The following NOX4 variants were observed in gnomAD, a reference collection of about 807,000 sequenced individuals.
The protein encoded by NOX4 is kidney oxidase-1.
A neutral mutation model predicts 87.6 loss-of-function variants in NOX4; 69 were observed. That is an observed-to-expected ratio of 0.79 (90% CI 0.65 to 0.96). The LOEUF is 0.96. Among genes scored for constraint, NOX4 ranks in the 40% least tolerant of loss-of-function variants. The pLI, the probability that NOX4 is intolerant of heterozygous loss-of-function variation, is 0.00. For missense variants in NOX4, 680 were observed against 681.5 expected (o/e 1.00, Z 0.02); for synonymous variants, 275 against 238.2 (o/e 1.15, Z -1.42).
the NOX4 span, among the ~76,000 whole-genome samples, chr11:89,513,202 C>A: frequency 6.6e-6 from 1 of 151,890 alleles, no homozygotes; most frequent in South Asian, 2.1e-4. Flanking sequence ...TGCCTGTAAT[C>A]CCAGCTACTC....
chr11:89,372,325 T>C (rs1412391631), intron 12 of NOX4, among the ~76,000 whole-genome samples: 1 of 151,984 alleles, frequency 6.6e-6, no homozygotes, highest in Non-Finnish European at 1.5e-5. Flanking sequence ...TTGGTTACTC[T>C]AATATTTTGC....
At chr11:89,334,885 A>G (rs1256367672) in intron 17 of NOX4, among the ~76,000 whole-genome samples, 1 of 151,686 alleles carries the variant, frequency 6.6e-6, no homozygotes, top group Non-Finnish European at 1.5e-5. Flanking sequence ...GAATTTTAAT[A>G]AAATTATATG....
chr11:89,331,340 G>A (rs1222165671), intron 17 of NOX4, among the ~76,000 whole-genome samples: 3 of 151,716 alleles, frequency 2.0e-5, no homozygotes, highest in Non-Finnish European at 2.9e-5. Flanking sequence ...GTGTTTAGAG[G>A]AAAATGTATA....
At chr11:89,529,748 G>A in the NOX4 span, among the ~76,000 whole-genome samples, 1 of 152,166 alleles carries the variant, frequency 6.6e-6, no homozygotes, top group South Asian at 2.1e-4. Flanking sequence ...ACAGTTTAAT[G>A]CTTTCATTCT....
At chr11:89,369,940 T>A (rs1301285018) in intron 12 of NOX4, among the ~76,000 whole-genome samples, 1 of 150,884 alleles carries the variant, frequency 6.6e-6, no homozygotes, top group African/African-American at 2.4e-5. Context: ...AAAAAAAAAA[T>A]ACTTTAAACA....
intron 7 of NOX4, among the ~76,000 whole-genome samples, chr11:89,432,360 T>C: frequency 6.6e-6 from 1 of 151,572 alleles, no homozygotes; most frequent in Non-Finnish European, 1.5e-5. Flanking sequence ...AATAAAAAAA[T>C]AAATAAAATA....
intron 4 of NOX4, among the ~76,000 whole-genome samples, chr11:89,447,576 AAAG>A (rs1280634478): frequency 2.0e-5 from 3 of 152,186 alleles, no homozygotes. Context: ...AACTGAAGTT[AAAG>A]AAGGGTAATG....
intron 11 of NOX4, among the ~76,000 whole-genome samples, chr11:89,382,320 C>G (rs1473280330): frequency 1.3e-5 from 2 of 152,092 alleles, no homozygotes; most frequent in African/African-American, 4.8e-5. Flanking sequence ...ACCTAAATGC[C>G]TTATTTTCTT....
the NOX4 span, among the ~76,000 whole-genome samples, chr11:89,567,136 GA>G: frequency 6.6e-6 from 1 of 152,144 alleles, no homozygotes; most frequent in Admixed American, 6.5e-5. Flanking sequence ...AGTCTGATCT[GA>G]ACACACCCCT....
intron 17 of NOX4, among the ~76,000 whole-genome samples, chr11:89,329,276 C>T (rs3897708): frequency 0.27 from 35,098 of 131,956 alleles, 5,544 homozygotes; most frequent in African/African-American, 0.46. Context: ...AATAAAAGAA[C>T]AGGCATTGCT....
intron 5 of NOX4, chr11:89,443,315 A>C (rs1944537470): frequency 6.6e-6 from 1 of 151,874 alleles, no homozygotes; most frequent in South Asian, 2.1e-4. Context: ...AACTCTGGTG[A>C]TATGTGGAGG....
rs759669403 is a variant in NOX4, at chr11:89,444,131, C to T, written c.447+4G>A. The T allele has an allele frequency of 6.2e-7, 1 of 1,611,978 alleles. No individual in the cohort carries two copies. Among genetic ancestry groups the T allele is most frequent in the East Asian group, 2.2e-5 (1 of 44,822 alleles). On this transcript the variant is annotated splice_donor_region_variant and intron_variant, in intron 5 of 17. Transcript: ENST00000263317. The stretch of plus-strand genomic sequence containing the variant: ...AGAAAAATGGGAAGACAGAGACCAC[C>T]CACCTCATCTCGGTATCTTGCTGCA...
intron 12 of NOX4, 58 bp downstream of exon 12, chr11:89,373,374 A>G (rs1939600798): frequency 3.0e-6 from 3 of 1,005,422 alleles, no homozygotes; most frequent in South Asian, 2.7e-5. Flanking sequence ...AACACATTCA[A>G]ATTATTACAT....
At chr11:89,398,324 A>G (rs12576421) in intron 11 of NOX4, among the ~76,000 whole-genome samples, 5,695 of 152,104 alleles carry the variant, frequency 0.037, 203 homozygotes, top group East Asian at 0.13. Flanking sequence ...TCTCAAAATA[A>G]TAAGAGCTAT....
At chr11:89,498,475 C>T (rs574097108), upstream of NOX4, among the ~76,000 whole-genome samples, 66 of 152,150 alleles carry the variant, frequency 4.3e-4, no homozygotes, top group African/African-American at 1.5e-3. Flanking sequence ...ACTTGTTCAC[C>T]GAAGTATGTT....
At chr11:89,480,735 T>C (rs192816126) in intron 2 of NOX4, among the ~76,000 whole-genome samples, 2 of 152,190 alleles carry the variant, frequency 1.3e-5, no homozygotes, top group African/African-American at 4.8e-5. Flanking sequence ...CTTGGCACAA[T>C]GTCAGGCCCA....
At chr11:89,529,813 A>T in the NOX4 span, among the ~76,000 whole-genome samples, 1 of 152,190 alleles carries the variant, frequency 6.6e-6, no homozygotes, top group Non-Finnish European at 1.5e-5. Flanking sequence ...CAGGAAAATA[A>T]ATCAGAGCTG....
chr11:89,420,319 T>C (rs1434820624), intron 8 of NOX4, among the ~76,000 whole-genome samples: 9 of 152,210 alleles, frequency 5.9e-5, no homozygotes, highest in Non-Finnish European at 1.3e-4. Context: ...GTAACTATTT[T>C]AGATTACTGT....
chr11:89,573,584 G>T, the NOX4 span, among the ~76,000 whole-genome samples: 2 of 152,154 alleles, frequency 1.3e-5, no homozygotes, highest in African/African-American at 2.4e-5. Context: ...TACCAGCTGC[G>T]AATCTGTACG....
Sources: allele counts gnomAD v4.1 joint callset (sites outside exome capture counted in the v4.1 genomes callset), GRCh38; gene constraint gnomAD v4.1.1; transcripts MANE v1.5; gene names NCBI Gene and HGNC (gene_info 2026-07-23, HGNC 2026-07-21).